Variants in LANCL2 observed in about 807,000 individuals in gnomAD.
LANCL2 encodes LanC like glutathione S-transferase 2.
A neutral mutation model predicts 56.9 loss-of-function variants in LANCL2; 33 were observed. That is an observed-to-expected ratio of 0.58 (90% CI 0.44 to 0.78). The LOEUF (loss-of-function observed/expected upper bound fraction) is 0.78, where lower values mean the gene tolerates loss of function less well. LANCL2 is among the 30% of genes least tolerant of loss of function. The probability of loss-of-function intolerance (pLI) is 0.00; values close to 1 mark genes in which losing one functional copy is unlikely to be tolerated. For missense variants in LANCL2, 562 were observed against 580.2 expected (o/e 0.97, Z 0.32); for synonymous variants, 233 against 228.2 (o/e 1.02, Z -0.19).
At chr7:55,388,069 A>G (rs1363491002) in intron 1 of LANCL2, among the ~76,000 whole-genome samples, 1 of 152,234 alleles carries the variant, frequency 6.6e-6, no homozygotes, top group African/African-American at 2.4e-5. Context: ...TTGTAGGTTA[A>G]CCATTTGAGC....
At chr7:55,366,271 G>A (rs756364478) in intron 1 of LANCL2, 42 bp downstream of exon 1, 4 of 1,423,008 alleles carry the variant, frequency 2.8e-6, no homozygotes, top group Non-Finnish European at 3.7e-6. Context: ...GAGGGGGAGC[G>A]CGGCGGTGGT....
intron 5 of LANCL2, among the ~76,000 whole-genome samples, chr7:55,409,629 C>G (rs907505231): frequency 1.3e-5 from 2 of 152,022 alleles, no homozygotes; most frequent in African/African-American, 4.8e-5. Context: ...AGCAGAATCC[C>G]CAGGAAGTTG....
chr7:55,414,338 A>G (rs1229925694), intron 6 of LANCL2, among the ~76,000 whole-genome samples: 1 of 152,168 alleles, frequency 6.6e-6, no homozygotes, highest in African/African-American at 2.4e-5. Context: ...CTCAAGTTAC[A>G]GTTAAGTTGA....
intron 1 of LANCL2, among the ~76,000 whole-genome samples, chr7:55,385,103 C>G (rs1456795230): frequency 6.6e-6 from 1 of 152,138 alleles, no homozygotes; most frequent in African/African-American, 2.4e-5. Context: ...AGGAGAATCG[C>G]TTGACTCTGT....
intron 1 of LANCL2, 40 bp downstream of exon 1, chr7:55,366,269 G>A (rs749936737): frequency 1.0e-4 from 149 of 1,425,240 alleles, no homozygotes; most frequent in Admixed American, 7.2e-4. Context: ...CGGAGGGGGA[G>A]CGCGGCGGTG....
intron 1 of LANCL2, among the ~76,000 whole-genome samples, chr7:55,390,049 C>T (rs1447180406): frequency 2.0e-5 from 3 of 152,108 alleles, no homozygotes; most frequent in African/African-American, 2.4e-5. Context: ...GTCCAGAATC[C>T]CAAATTTCAG....
At chr7:55,411,058 C>T (rs1449164226) in intron 5 of LANCL2, among the ~76,000 whole-genome samples, 1 of 151,794 alleles carries the variant, frequency 6.6e-6, no homozygotes, top group African/African-American at 2.4e-5. Context: ...AACATGTCAC[C>T]CCAAAGACAT....
intron 2 of LANCL2, among the ~76,000 whole-genome samples, chr7:55,393,630 A>G (rs912829345): frequency 6.6e-6 from 1 of 152,158 alleles, no homozygotes; most frequent in African/African-American, 2.4e-5. Flanking sequence ...GCCCTTGATA[A>G]TATTGTATTT....
chr7:55,415,444 G>T (rs552051687), intron 6 of LANCL2, among the ~76,000 whole-genome samples: 129 of 152,228 alleles, frequency 8.5e-4, no homozygotes, highest in Admixed American at 1.7e-3. Context: ...TTCTGTTCCC[G>T]AAGCTTGTTT....
At chr7:55,380,985 C>T (rs544741621) in intron 1 of LANCL2, among the ~76,000 whole-genome samples, 6 of 151,868 alleles carry the variant, frequency 4.0e-5, no homozygotes, top group South Asian at 4.2e-4. Flanking sequence ...GATTCTCCTG[C>T]CTCAGCCTCC....
intron 1 of LANCL2, among the ~76,000 whole-genome samples, chr7:55,388,885 G>A (rs895386040): frequency 4.6e-5 from 7 of 152,124 alleles, no homozygotes; most frequent in Admixed American, 1.3e-4. Context: ...GGCTTTTCCC[G>A]TTTATCTCAT....
At chr7:55,417,527 T>G (rs967345115) in intron 6 of LANCL2, among the ~76,000 whole-genome samples, 2 of 152,216 alleles carry the variant, frequency 1.3e-5, no homozygotes, top group African/African-American at 4.8e-5. Flanking sequence ...GACCTCACTT[T>G]GTTCTTTTTC....
rs777218683 is a variant in LANCL2, at chr7:55,366,056, C to T, written c.31C>T (p.Leu11Phe). 9.9e-6 allele frequency: 15 copies of T among 1,521,506 alleles called. No homozygotes were observed. The highest frequency in any genetic ancestry group is 1.2e-5 in the Non-Finnish European group (13 of 1,130,244). The allele number at this position is 1,521,506 out of a possible 1,614,324, so 94.3% of individuals were successfully genotyped here. A position where few individuals can be genotyped will look rare whatever the true frequency, so the allele number is the denominator to read the frequency against. The change falls in exon 1 of 9, where the codon CTC (leucine) becomes TTC (phenylalanine). Residue 11 changes from leucine to phenylalanine, a missense_variant. Transcript: ENST00000254770. ...CGAGACCATGTCAAAGAGGCTGAAG[C>T]TCCACCTGGGAGGGGAGGCAGAAAT... The part of the protein sequence containing the change: MGETMSKRLK[L>F]HLGGEAEMEE...
At chr7:55,378,949 G>A (rs978176973) in intron 1 of LANCL2, among the ~76,000 whole-genome samples, 1 of 152,136 alleles carries the variant, frequency 6.6e-6, no homozygotes, top group African/African-American at 2.4e-5. Flanking sequence ...TGGCTAACAC[G>A]GTGAAACCCT....
chr7:55,425,911 C>T (rs1409773293), intron 7 of LANCL2, among the ~76,000 whole-genome samples: 1 of 152,222 alleles, frequency 6.6e-6, no homozygotes, highest in Non-Finnish European at 1.5e-5. Flanking sequence ...GAGCCCTGCG[C>T]ACCTTGGCCC....
At position 55,365,892 on chromosome 7, in the gene LANCL2, C is replaced by T; in HGVS notation, c.-134C>T. On this transcript the variant is annotated 5_prime_UTR_variant, in exon 1 of 9. Coordinates refer to ENST00000254770, the MANE Select transcript of LANCL2 (RefSeq NM_018697.4). Reference sequence around the variant, plus strand: ...CAGTGCACGCTCAGACGCCCCGCTCCTCCCGCCAGCGCGCGGCCTCGCTCC... The same window carrying T: ...CAGTGCACGCTCAGACGCCCCGCTCTTCCCGCCAGCGCGCGGCCTCGCTCC... The T allele has an allele frequency of 1.6e-6, 1 of 637,038 alleles. No homozygotes were observed. The highest frequency in any genetic ancestry group is 2.5e-6 in the Non-Finnish European group (1 of 405,620). 39.5% of individuals were successfully genotyped at this position (637,038 alleles called of 1,614,324 possible).
At chr7:55,401,071 C>A in intron 4 of LANCL2, 103 bp from the exon 5 acceptor site, 2 of 821,120 alleles carry the variant, frequency 2.4e-6, no homozygotes, top group Admixed American at 2.6e-5. Flanking sequence ...AAGGCTTCTG[C>A]CTCTCTCTCT....
At chr7:55,423,460 T>C (rs930416655) in intron 6 of LANCL2, among the ~76,000 whole-genome samples, 1 of 152,224 alleles carries the variant, frequency 6.6e-6, no homozygotes, top group African/African-American at 2.4e-5. Context: ...TCTCAAACAA[T>C]ATCTTCTCAC....
At chr7:55,406,060 A>C (rs540846236) in intron 5 of LANCL2, among the ~76,000 whole-genome samples, 3 of 152,320 alleles carry the variant, frequency 2.0e-5, no homozygotes, top group Admixed American at 2.0e-4. Context: ...AGAAGCCAGA[A>C]ATATTCTGAG....
Sources: gnomAD v4.1 joint callset for allele counts (sites outside exome capture counted in the v4.1 genomes callset) on GRCh38, gnomAD v4.1.1 for gene constraint, MANE v1.5 for transcripts, NCBI Gene and HGNC (gene_info 2026-07-23, HGNC 2026-07-21) for gene names.